Variants in MTMR6 observed in about 807,000 individuals in gnomAD.
MTMR6 encodes myotubularin related protein 6.
Under a neutral mutation model 80.1 loss-of-function variants are expected in MTMR6, and 47 were observed. That is an observed-to-expected ratio of 0.59 (90% CI 0.46 to 0.75). The LOEUF (loss-of-function observed/expected upper bound fraction) is 0.75, where lower values mean the gene tolerates loss of function less well. Ranked by LOEUF, MTMR6 falls within the 30% of genes least tolerant of loss-of-function variation. The pLI is 0.00. For missense variants in MTMR6, 629 were observed against 730.9 expected (o/e 0.86, Z 1.61); for synonymous variants, 254 against 253.0 (o/e 1.00, Z -0.04).
intron 5 of MTMR6, among the ~76,000 whole-genome samples, chr13:25,263,912 A>G (rs1442030613): frequency 6.6e-6 from 1 of 152,108 alleles, no homozygotes. Context: ...AAAAGAAAAC[A>G]AAGAAAGAAT....
At chr13:25,253,299 T>C (rs1023484914) in intron 11 of MTMR6, among the ~76,000 whole-genome samples, 4 of 152,214 alleles carry the variant, frequency 2.6e-5, no homozygotes, top group African/African-American at 9.7e-5. Context: ...CTCCATCCTA[T>C]CTTAAAACAA....
rs759473296 is a variant in MTMR6, at chr13:25,258,589, A to G, written c.830T>C (p.Met277Thr). The G allele has an allele frequency of 3.8e-6, 6 of 1,594,740 alleles. No individual in the cohort carries two copies. In the East Asian group the frequency reaches 1.1e-4, roughly 30 times the overall value. ...QFVGIENIHVMRSSLQKLLEV... is the reference protein window; with the variant it reads ...QFVGIENIHVTRSSLQKLLEV... Reference sequence around the variant, plus strand: ...CAATAATTTCTGAAGGCTGGACCTCATGACATGAATATTTTCAATTCCAAC... The same window carrying G: ...CAATAATTTCTGAAGGCTGGACCTCGTGACATGAATATTTTCAATTCCAAC... The change falls in exon 7 of 14, where the codon ATG becomes ACG. Residue 277 changes from methionine to threonine, a missense_variant. Physicochemically the swap from Met to Thr is moderately conservative, Grantham distance 81. Coordinates refer to ENST00000381801, the MANE Select transcript of MTMR6 (RefSeq NM_004685.5).
chr13:25,257,963 CTA>C (rs1177519068), intron 7 of MTMR6, 118 bp from the exon 8 acceptor site: 1 of 561,202 alleles, frequency 1.8e-6, no homozygotes, highest in Non-Finnish European at 2.9e-6. Flanking sequence ...AGGCAAGACT[CTA>C]TAAATGAAAA....
At chr13:25,261,548 CTTAG>C (rs1957341887) in intron 6 of MTMR6, 116 bp downstream of exon 6, 1 of 869,660 alleles carries the variant, frequency 1.1e-6, no homozygotes. Flanking sequence ...TATCATTAGC[CTTAG>C]TTAATTTAAA....
intron 1 of MTMR6, among the ~76,000 whole-genome samples, chr13:25,283,210 G>T (rs1217228152): frequency 6.6e-6 from 1 of 152,108 alleles, no homozygotes; most frequent in Admixed American, 6.5e-5. Flanking sequence ...AGAGAGTGTG[G>T]TTAAGAGAAT....
At chr13:25,262,470 C>G (rs751475299) in intron 5 of MTMR6, among the ~76,000 whole-genome samples, 1 of 152,174 alleles carries the variant, frequency 6.6e-6, no homozygotes, top group African/African-American at 2.4e-5. Context: ...TGGGCTCAAG[C>G]AATCCTTCCA....
intron 3 of MTMR6, 81 bp downstream of exon 3, chr13:25,267,698 C>T (rs919082207): frequency 1.2e-5 from 16 of 1,382,800 alleles, no homozygotes; most frequent in South Asian, 1.5e-5. Flanking sequence ...GATAAAATAA[C>T]AATAATAAAA....
chr13:25,281,247 G>A (rs567340567), intron 1 of MTMR6, among the ~76,000 whole-genome samples: 51 of 152,226 alleles, frequency 3.4e-4, no homozygotes, highest in Non-Finnish European at 6.5e-4. Flanking sequence ...AAAGGCAGGA[G>A]GATCGTTTGA....
chr13:25,261,522 G>A (rs992845482), intron 6 of MTMR6, 146 bp downstream of exon 6: 3 of 661,528 alleles, frequency 4.5e-6, no homozygotes, highest in African/African-American at 3.7e-5. Context: ...TTTAAATAAA[G>A]GATTGATTTC....
intron 1 of MTMR6, among the ~76,000 whole-genome samples, chr13:25,276,002 T>G (rs2137611311): frequency 6.6e-6 from 1 of 152,110 alleles, no homozygotes; most frequent in Admixed American, 6.6e-5. Context: ...TTAGGACTAT[T>G]TCTCCCTTAA....
intron 7 of MTMR6, 46 bp downstream of exon 7, chr13:25,258,514 G>A (rs746714046): frequency 6.7e-7 from 1 of 1,503,590 alleles, no homozygotes; most frequent in South Asian, 1.4e-5. Flanking sequence ...ACTAGCATTA[G>A]ATTTCTTTTG....
At chr13:25,281,577 C>G (rs1169018279) in intron 1 of MTMR6, among the ~76,000 whole-genome samples, 5 of 152,172 alleles carry the variant, frequency 3.3e-5, no homozygotes, top group Non-Finnish European at 7.3e-5. Flanking sequence ...CTTCTTCAGA[C>G]TTCTGTGACC....
chr13:25,257,634 TAA>T, intron 8 of MTMR6, 100 bp downstream of exon 8: 1 of 832,236 alleles, frequency 1.2e-6, no homozygotes, highest in Non-Finnish European at 1.8e-6. Context: ...TAAAAAATAA[TAA>T]AAGTTATCTG....
Position 25,287,230 on chromosome 13 carries a change from C to G in MTMR6, c.18G>C (p.Thr6=), listed in dbSNP as rs780516003. The change falls in exon 1 of 14, where the codon ACG becomes ACC. Residue 6 remains threonine, a synonymous_variant. Coordinates refer to ENST00000381801, the MANE Select transcript of MTMR6 (RefSeq NM_004685.5). The part of the protein sequence containing the change: MEHIR[T]TKVEQVKLLD... ...CGATCCCGCGCCCGACTACCTTGGTCGTCCGGATATGCTCCATCGCAAGGA... is the reference window on the plus strand; with the variant it reads ...CGATCCCGCGCCCGACTACCTTGGTGGTCCGGATATGCTCCATCGCAAGGA... 1 of 1,598,258 alleles carries G rather than the reference C, an allele frequency of 6.3e-7. No homozygotes were observed. Among genetic ancestry groups the G allele is most frequent in the South Asian group, 1.1e-5 (1 of 89,002 alleles).
In MTMR6 at chr13:25,286,801, G is replaced by A. The variant is rs769484961; in HGVS notation, c.24+423C>T. On this transcript the variant is annotated intron_variant, in intron 1 of 13. Coordinates refer to ENST00000381801, the MANE Select transcript of MTMR6 (RefSeq NM_004685.5). ...AACTCGTACTGTGAATCTGTGACAC[G>A]GGACAATGAAATGTGAGCAAGGACA... Among the ~76,000 whole-genome samples the A allele has an allele frequency of 4.4e-4, 67 of 152,144 alleles. 1 individual carries two copies. The highest frequency in any genetic ancestry group is 2.1e-4 in the Non-Finnish European group (14 of 68,040).
intron 1 of MTMR6, among the ~76,000 whole-genome samples, chr13:25,278,543 A>C (rs1037737180): frequency 3.3e-5 from 5 of 152,082 alleles, no homozygotes; most frequent in African/African-American, 9.7e-5. Context: ...CAACATGGTG[A>C]AACCCTGTCT....
intron 6 of MTMR6, among the ~76,000 whole-genome samples, chr13:25,259,432 G>A (rs539007833): frequency 1.1e-4 from 17 of 152,278 alleles, no homozygotes; most frequent in African/African-American, 2.4e-4. Context: ...TCTTATGAAC[G>A]TGGATAAAAC....
intron 2 of MTMR6, among the ~76,000 whole-genome samples, chr13:25,271,977 A>G (rs1266699640): frequency 1.3e-5 from 2 of 152,236 alleles, no homozygotes; most frequent in East Asian, 3.8e-4. Flanking sequence ...GGTACAGTGT[A>G]GTCAGTATAC....
intron 1 of MTMR6, among the ~76,000 whole-genome samples, chr13:25,279,520 T>C (rs765076808): frequency 4.6e-5 from 7 of 152,198 alleles, no homozygotes; most frequent in Admixed American, 2.6e-4. Context: ...CTAATAAATA[T>C]AAGCAATAAT....
Sources: allele counts gnomAD v4.1 joint callset (sites outside exome capture counted in the v4.1 genomes callset), GRCh38; gene constraint gnomAD v4.1.1; transcripts MANE v1.5; gene names NCBI Gene and HGNC (gene_info 2026-07-23, HGNC 2026-07-21).